Variants in OTUD7B observed in about 807,000 individuals in gnomAD.
The protein encoded by OTUD7B is OTU domain-containing protein 7B.
A neutral mutation model predicts 82.2 loss-of-function variants in OTUD7B; 34 were observed. The observed-to-expected ratio is 0.41, with a 90% CI of 0.31 to 0.55. The LOEUF (loss-of-function observed/expected upper bound fraction) is 0.55, where lower values mean the gene tolerates loss of function less well. Among genes scored for constraint, OTUD7B ranks in the 20% least tolerant of loss-of-function variants. The pLI, the probability that OTUD7B is intolerant of heterozygous loss-of-function variation, is 0.20. For missense variants in OTUD7B, 944 were observed against 1,062.1 expected, an observed-to-expected ratio of 0.89 and a Z score of 1.55; for synonymous variants, 398 against 402.7, an observed-to-expected ratio of 0.99 and a Z score of 0.14.
Position 150,002,030 on chromosome 1 carries a change from CAATGAA to C in OTUD7B, c.-67+8412_-67+8417del, listed in dbSNP as rs1434070697. 3.3e-5 allele frequency among the ~76,000 whole-genome samples: 5 copies of C among 152,002 alleles called. No individual in the cohort carries two copies. The East Asian group carries it at 9.6e-4, about 29-fold the overall frequency. On this transcript the variant is annotated intron_variant, in intron 1 of 11. Transcript: ENST00000581312. Reference sequence around the variant, plus strand: ...CAAACAATTTCCCTCCACAAAAATCCAATGAAAATGAAAATACAGGGAAGATGCAGA... The same window carrying C: ...CAAACAATTTCCCTCCACAAAAATCCAATGAAAATACAGGGAAGATGCAGA...
At chr1:149,958,347 A>ATTT (rs1648872690) in intron 7 of OTUD7B, among the ~76,000 whole-genome samples, 1 of 3,440 alleles carries the variant, frequency 2.9e-4, no homozygotes, top group African/African-American at 1.1e-3. Context: ...TTTTTTTTTG[A>ATTT]AATGGAGTCT....
the OTUD7B span, among the ~76,000 whole-genome samples, chr1:150,042,181 T>C: frequency 1.6e-5 from 2 of 127,120 alleles, no homozygotes; most frequent in Non-Finnish European, 3.2e-5. Flanking sequence ...CTCCCTCCCT[T>C]CCTCCCTTCC....
the OTUD7B span, among the ~76,000 whole-genome samples, chr1:150,019,523 T>C: frequency 6.6e-6 from 1 of 152,064 alleles, no homozygotes; most frequent in Non-Finnish European, 1.5e-5. Context: ...ATGGGCACCA[T>C]GCCTGGCTAA....
the OTUD7B span, among the ~76,000 whole-genome samples, chr1:150,031,066 C>T: frequency 1.3e-5 from 2 of 152,164 alleles, no homozygotes; most frequent in Admixed American, 6.5e-5. Flanking sequence ...TGAGCCATGG[C>T]ACCTGGCCTC....
chr1:150,066,442 C>A, the OTUD7B span, among the ~76,000 whole-genome samples: 1 of 141,608 alleles, frequency 7.1e-6, no homozygotes, highest in African/African-American at 2.6e-5. The surrounding 1 kb of genome is among the most constrained non-coding windows in gnomAD (Gnocchi z 4.6). Flanking sequence ...AGAAAAAAAA[C>A]ATATTCTTCA....
At chr1:150,026,685 T>C in the OTUD7B span, among the ~76,000 whole-genome samples, 5 of 152,164 alleles carry the variant, frequency 3.3e-5, no homozygotes, top group Non-Finnish European at 1.5e-5. Context: ...AAGGCTATAG[T>C]TGAGATACGG....
the OTUD7B span, among the ~76,000 whole-genome samples, chr1:150,050,900 G>A: frequency 2.8e-5 from 4 of 142,326 alleles, no homozygotes; most frequent in African/African-American, 5.3e-5. Flanking sequence ...TTTAATCACT[G>A]CTGGCAGATA....
chr1:149,954,327 C>G (rs587628185), intron 7 of OTUD7B, among the ~76,000 whole-genome samples: 4 of 152,102 alleles, frequency 2.6e-5, no homozygotes, highest in African/African-American at 7.2e-5. Flanking sequence ...ATCTTTGGTT[C>G]TGTTTATATG....
rs1651486497 is a variant in OTUD7B, at chr1:149,990,517, T to C, written c.-66-12941A>G. Among the ~76,000 whole-genome samples the C allele has an allele frequency of 2.6e-5, 4 of 152,340 alleles. No homozygotes were observed. In the East Asian group the frequency reaches 7.7e-4, roughly 29 times the overall value. ...TGTCCCATCAAGATGTATAAATAGG[T>C]CTATATGAATAAATATAACTTATAT... On this transcript the variant is annotated intron_variant, in intron 1 of 11. Transcript: ENST00000581312.
chr1:149,987,411 A>T (rs1553781106), intron 1 of OTUD7B, among the ~76,000 whole-genome samples: 1 of 152,224 alleles, frequency 6.6e-6, no homozygotes, highest in South Asian at 2.1e-4. Flanking sequence ...GCTACTATTT[A>T]AGGGCTGTGT....
At position 149,947,425 on chromosome 1, in the gene OTUD7B, T is replaced by C. The variant is rs1297179665; in HGVS notation, c.1239-90A>G. 36 of 730,254 alleles carry C rather than the reference T, an allele frequency of 4.9e-5. No individual in the cohort carries two copies. In the East Asian group the frequency reaches 8.7e-4, roughly 18 times the overall value. 45.2% of individuals were successfully genotyped at this position (730,254 alleles called of 1,614,324 possible). A position where few individuals can be genotyped will look rare whatever the true frequency, so the allele number is the denominator to read the frequency against. The stretch of plus-strand genomic sequence containing the variant: ...GGAGAAAGGGTGGGAGAGGGCTACA[T>C]GGCTTAGGACTCAAATAGGGTTGGG... On this transcript the variant is annotated intron_variant, in intron 10 of 11. Coordinates refer to ENST00000581312, the MANE Select transcript of OTUD7B (RefSeq NM_020205.4).
the OTUD7B span, among the ~76,000 whole-genome samples, chr1:150,043,788 C>T: frequency 1.3e-5 from 2 of 152,160 alleles, no homozygotes; most frequent in East Asian, 3.8e-4. Flanking sequence ...GATGTAGACA[C>T]ATTTAGTGAT....
chr1:150,051,473 T>C, the OTUD7B span, among the ~76,000 whole-genome samples: 1 of 152,050 alleles, frequency 6.6e-6, no homozygotes, highest in Non-Finnish European at 1.5e-5. Context: ...TCATTGTTAA[T>C]AAATGACATG....
At chr1:150,060,723 A>G in the OTUD7B span, among the ~76,000 whole-genome samples, 1 of 152,186 alleles carries the variant, frequency 6.6e-6, no homozygotes, top group Non-Finnish European at 1.5e-5. Flanking sequence ...ATTATGCAGT[A>G]AGACAGGCAA....
At chr1:149,952,019 A>G (rs587676691) in intron 7 of OTUD7B, among the ~76,000 whole-genome samples, 1 of 152,232 alleles carries the variant, frequency 6.6e-6, no homozygotes, top group East Asian at 1.9e-4. Context: ...TCAGATCTAG[A>G]GTAGCATGGG....
intron 1 of OTUD7B, among the ~76,000 whole-genome samples, chr1:149,990,260 C>T (rs1271224705): frequency 6.6e-6 from 1 of 152,230 alleles, no homozygotes; most frequent in Non-Finnish European, 1.5e-5. Flanking sequence ...TGTAAAAGCT[C>T]ACCAGGATGG....
intron 4 of OTUD7B, 72 bp from the exon 5 acceptor site, chr1:149,965,950 G>T: frequency 7.8e-7 from 1 of 1,289,688 alleles, no homozygotes; most frequent in South Asian, 1.2e-5. Context: ...TTCTGAAACA[G>T]ACTCCAAAGC....
At chr1:150,011,512 T>C (rs1231181601), upstream of OTUD7B, among the ~76,000 whole-genome samples, 1 of 152,228 alleles carries the variant, frequency 6.6e-6, no homozygotes, top group African/African-American at 2.4e-5. Flanking sequence ...AGAACTTGTA[T>C]GTGTCCTACC....
chr1:149,985,782 C>T (rs868922143), intron 1 of OTUD7B, among the ~76,000 whole-genome samples: 1 of 151,976 alleles, frequency 6.6e-6, no homozygotes, highest in Non-Finnish European at 1.5e-5. Context: ...AAACAAGGCC[C>T]TTCATGATCT....
Sources: gnomAD v4.1 joint callset for allele counts (sites outside exome capture counted in the v4.1 genomes callset) on GRCh38, gnomAD v4.1.1 for gene constraint, Gnocchi (gnomAD v3.1) non-coding constraint, MANE v1.5 for transcripts, NCBI Gene and HGNC (gene_info 2026-07-23, HGNC 2026-07-21) for gene names.